Variants in MDN1 observed in about 807,000 individuals in gnomAD.
MDN1 encodes the protein midasin.
A neutral mutation model predicts 669.2 loss-of-function variants in MDN1; 266 were observed. The ratio of observed to expected loss-of-function variants is 0.40; its 90% CI spans 0.36 to 0.44. The LOEUF is 0.44. Ranked by LOEUF, MDN1 falls within the 20% of genes least tolerant of loss-of-function variation. The pLI is 1.00. For synonymous variants in MDN1, 2,385 were observed against 2,457.1 expected (o/e 0.97, Z 0.87); for missense variants, 5,940 against 6,754.0 (o/e 0.88, Z 4.22).
chr6:89,805,363 G>A (rs1767948940), intron 1 of MDN1, among the ~76,000 whole-genome samples: 1 of 152,072 alleles, frequency 6.6e-6, no homozygotes, highest in East Asian at 1.9e-4. Flanking sequence ...ACAACATGGT[G>A]AAACCCCATC....
chr6:89,771,491 T>G, intron 15 of MDN1, 70 bp downstream of exon 15: 1 of 1,362,246 alleles, frequency 7.3e-7, no homozygotes, highest in South Asian at 1.2e-5. Context: ...TTGTTAACAC[T>G]AAGAAAACAG....
intron 27 of MDN1, among the ~76,000 whole-genome samples, chr6:89,746,865 A>G (rs1056980579): frequency 1.3e-5 from 2 of 152,200 alleles, no homozygotes; most frequent in Non-Finnish European, 2.9e-5. Flanking sequence ...CCTATCACAA[A>G]CAGTAACAAA....
At chr6:89,740,092 A>T (rs536480741) in intron 32 of MDN1, 142 bp downstream of exon 32, 39 of 896,756 alleles carry the variant, frequency 4.3e-5, no homozygotes, top group Non-Finnish European at 5.8e-5. Flanking sequence ...TAATTATTTT[A>T]AAATATTTTT....
intron 46 of MDN1, 120 bp downstream of exon 46, chr6:89,714,423 C>T (rs1814186218): frequency 1.0e-6 from 1 of 956,784 alleles, no homozygotes; most frequent in Non-Finnish European, 1.5e-6. Flanking sequence ...TTTTAACAAG[C>T]TTTCCTGATA....
At chr6:89,743,779 C>A in intron 29 of MDN1, 65 bp from the exon 30 acceptor site, 1 of 1,545,548 alleles carries the variant, frequency 6.5e-7, no homozygotes, top group Non-Finnish European at 8.8e-7. Flanking sequence ...AAACACCCCC[C>A]CTCAGCAAAA....
chr6:89,678,721 T>A lies in MDN1; in HGVS notation c.12290A>T (p.Glu4097Val), dbSNP rs369025230. 8 of 1,613,246 alleles carry A rather than the reference T, an allele frequency of 5.0e-6. No homozygotes were observed. The African/African-American group carries it at 1.1e-4, about 22-fold the overall frequency. The change falls in exon 75 of 102, where the codon GAG becomes GTG. Residue 4097 changes from glutamate to valine, a missense_variant. Coordinates refer to ENST00000369393, the MANE Select transcript of MDN1 (RefSeq NM_014611.3). ...FTGEVISSVSELQSLKVEPSA... is the reference protein window; with the variant it reads ...FTGEVISSVSVLQSLKVEPSA... ...GGGTTCCACCTTTAAGCTCTGCAGCTCACTCACAGAGGAAATCACTTCACC... is the reference window on the plus strand; with the variant it reads ...GGGTTCCACCTTTAAGCTCTGCAGCACACTCACAGAGGAAATCACTTCACC...
chr6:89,647,310 T>G (rs1004279020), intron 99 of MDN1, among the ~76,000 whole-genome samples: 1 of 152,188 alleles, frequency 6.6e-6, no homozygotes, highest in Admixed American at 6.5e-5. Flanking sequence ...AAAAGCAAAC[T>G]GAATCAGAGC....
At position 89,658,201 on chromosome 6, in the gene MDN1, C is replaced by G; in HGVS notation, c.15183+8G>C. 6.2e-7 allele frequency: 1 copy of G among 1,613,984 alleles called. No homozygotes were observed. The highest frequency in any genetic ancestry group is 1.1e-5 in the South Asian group (1 of 91,078). On this transcript the variant is annotated splice_region_variant and intron_variant, in intron 90 of 101. Coordinates refer to ENST00000369393, the MANE Select transcript of MDN1 (RefSeq NM_014611.3). ...GCAGCTGGCGGCTGCAGTGAAACCA[C>G]TGATCACCTCTTTCCCCTGCTCCTT...
At chr6:89,765,100 CA>C (rs1490168779) in intron 15 of MDN1, among the ~76,000 whole-genome samples, 1 of 151,764 alleles carries the variant, frequency 6.6e-6, no homozygotes, top group African/African-American at 2.4e-5. Context: ...ACTAAAAATA[CA>C]AAAAAAATTA....
At chr6:89,685,176 A>C (rs1464539939) in intron 70 of MDN1, among the ~76,000 whole-genome samples, 191 bp from the exon 71 acceptor site, 2 of 152,008 alleles carry the variant, frequency 1.3e-5, no homozygotes, top group Non-Finnish European at 2.9e-5. Flanking sequence ...GCAGGCTGTC[A>C]ACACTCCCCT....
At chr6:89,716,392 T>C (rs1584255207) in intron 44 of MDN1, among the ~76,000 whole-genome samples, 1 of 152,318 alleles carries the variant, frequency 6.6e-6, no homozygotes, top group Non-Finnish European at 1.5e-5. Context: ...TCAAAGGACA[T>C]TGCCAGGAAA....
chr6:89,670,170 A>ATTTTTTTTTTTTTT (rs766450069), intron 83 of MDN1, among the ~76,000 whole-genome samples: 7 of 23,402 alleles, frequency 3.0e-4, no homozygotes, highest in Admixed American at 1.9e-3. Context: ...ATATATATAT[A>ATTTTTTTTTTTTTT]TTTTTTTTTT....
intron 74 of MDN1, among the ~76,000 whole-genome samples, chr6:89,679,130 A>G (rs1455514348): frequency 6.6e-6 from 1 of 152,264 alleles, no homozygotes; most frequent in Non-Finnish European, 1.5e-5. Context: ...TCAGATTAAT[A>G]TAATATGTAT....
chr6:89,725,927 TTA>T (rs1491331518), intron 37 of MDN1, among the ~76,000 whole-genome samples: 1 of 76,562 alleles, frequency 1.3e-5, no homozygotes, highest in Non-Finnish European at 2.3e-5. Flanking sequence ...GTCTGGTATT[TTA>T]TACACACACA....
At chr6:89,812,350 C>T (rs899796150) in intron 1 of MDN1, among the ~76,000 whole-genome samples, 6 of 151,948 alleles carry the variant, frequency 3.9e-5, no homozygotes, top group African/African-American at 7.2e-5. Context: ...TTTGGGAGGC[C>T]GAGGCAGGTA....
At chr6:89,653,246 T>G (rs200059511) in intron 93 of MDN1, 91 bp from the exon 94 acceptor site, 5 of 1,241,632 alleles carry the variant, frequency 4.0e-6, no homozygotes, top group Non-Finnish European at 5.6e-6. Context: ...TGAAAATTAA[T>G]CAAACTTCAT....
intron 1 of MDN1, among the ~76,000 whole-genome samples, chr6:89,818,089 G>A (rs1001312188): frequency 6.6e-6 from 1 of 151,962 alleles, no homozygotes; most frequent in Non-Finnish European, 1.5e-5. Context: ...AGGCCAAGGC[G>A]GGTGGATCAC....
At chr6:89,742,287 T>C (rs1400738617) in intron 31 of MDN1, among the ~76,000 whole-genome samples, 3 of 151,858 alleles carry the variant, frequency 2.0e-5, no homozygotes, top group Admixed American at 2.0e-4. Context: ...ATGGCACACA[T>C]GTGTAGCCCA....
At chr6:89,733,644 A>T (rs914880207) in intron 33 of MDN1, among the ~76,000 whole-genome samples, 2 of 151,900 alleles carry the variant, frequency 1.3e-5, no homozygotes, top group Non-Finnish European at 2.9e-5. Flanking sequence ...AAAAAAAAAA[A>T]ACTCTTTAAA....
Sources: allele counts gnomAD v4.1 joint callset (sites outside exome capture counted in the v4.1 genomes callset), GRCh38; gene constraint gnomAD v4.1.1; transcripts MANE v1.5; gene names NCBI Gene and HGNC (gene_info 2026-07-23, HGNC 2026-07-21).